Variants in RANBP2 observed in about 807,000 individuals in gnomAD.
RANBP2 encodes the protein RAN binding protein 2.
In RANBP2, 57 loss-of-function variants were observed where a neutral mutation model predicts 303.6. The ratio of observed to expected loss-of-function variants is 0.19; its 90% CI spans 0.15 to 0.23. RANBP2 has a LOEUF of 0.23. Among genes scored for constraint, RANBP2 ranks in the 10% least tolerant of loss-of-function variants. The pLI, the probability that RANBP2 is intolerant of heterozygous loss-of-function variation, is 1.00. For synonymous variants in RANBP2, 1,167 were observed against 1,301.5 expected, an observed-to-expected ratio of 0.90 and a Z score of 2.23; for missense variants, 3,138 against 3,780.8, an observed-to-expected ratio of 0.83 and a Z score of 4.46.
the RANBP2 span, among the ~76,000 whole-genome samples, chr2:109,145,304 A>G: frequency 6.6e-6 from 1 of 151,978 alleles, no homozygotes; most frequent in Non-Finnish European, 1.5e-5. Context: ...TTACAAGCCC[A>G]CTCAGCCCCC....
the RANBP2 span, among the ~76,000 whole-genome samples, chr2:109,418,526 G>A: frequency 6.6e-6 from 1 of 152,208 alleles, no homozygotes; most frequent in African/African-American, 2.4e-5. Context: ...TCCTGTCACT[G>A]CTCCGTCCTC....
the RANBP2 span, chr2:108,876,167 G>T: frequency 6.2e-7 from 1 of 1,612,138 alleles, no homozygotes. Flanking sequence ...CCCAGAGCAT[G>T]CATTTCTCTG....
chr2:109,488,321 G>A, the RANBP2 span, among the ~76,000 whole-genome samples: 1 of 152,162 alleles, frequency 6.6e-6, no homozygotes, highest in Non-Finnish European at 1.5e-5. Context: ...AGTTGTGACA[G>A]CCCAGATGTC....
chr2:109,398,983 CTGGGGTTCTA>C, the RANBP2 span: 3,538 of 1,565,298 alleles, frequency 2.3e-3, 72 homozygotes, highest in African/African-American at 0.043. Flanking sequence ...CCTGGGTTCT[CTGGGGTTCTA>C]TCCTCAGCTC....
the RANBP2 span, among the ~76,000 whole-genome samples, chr2:109,340,225 C>G: frequency 6.6e-6 from 1 of 152,134 alleles, no homozygotes; most frequent in Admixed American, 6.5e-5. Flanking sequence ...GTTACTGGAC[C>G]TCACTGTGCT....
the RANBP2 span, chr2:109,564,319 C>T: frequency 2.1e-6 from 3 of 1,440,630 alleles, no homozygotes; most frequent in Non-Finnish European, 2.8e-6. Flanking sequence ...AATATGCAAT[C>T]CTCTCTAACT....
the RANBP2 span, among the ~76,000 whole-genome samples, chr2:109,012,310 G>A: frequency 2.0e-5 from 3 of 152,154 alleles, no homozygotes; most frequent in Non-Finnish European, 4.4e-5. Flanking sequence ...AGGAAAGGGT[G>A]GGGGGTCTCC....
the RANBP2 span, among the ~76,000 whole-genome samples, chr2:109,480,371 G>A: frequency 6.6e-6 from 1 of 152,184 alleles, no homozygotes; most frequent in Non-Finnish European, 1.5e-5. Flanking sequence ...GAAGACATAA[G>A]GCATTTGTTC....
chr2:109,774,522 T>TATAA, the RANBP2 span, among the ~76,000 whole-genome samples: 19 of 83,298 alleles, frequency 2.3e-4, no homozygotes, highest in African/African-American at 1.3e-3. Flanking sequence ...ATAATATATA[T>TATAA]TATATATATT....
Position 108,782,168 on chromosome 2 carries a change from T to G in RANBP2, c.8801T>G (p.Phe2934Cys), listed in dbSNP as rs769524476. 6.2e-7 allele frequency: 1 copy of G among 1,614,126 alleles called. No homozygotes were observed. The highest frequency in any genetic ancestry group is 8.5e-7 in the Non-Finnish European group (1 of 1,180,012). ...GGAGAAGAAGATGAAGAAATTTTGT[T>G]TAAAGAGAGAGCCAAACTTTATAGA... ...KSGEEDEEIL[F>C]KERAKLYRWD... is the part of the protein sequence containing the mutation. The change falls in exon 27 of 29, where the codon TTT becomes TGT. Residue 2934 changes from phenylalanine to cysteine, a missense_variant. Physicochemically the swap from Phe to Cys is radical, Grantham distance 205. Around this residue, in one of 20 missense-constraint regions of RANBP2, gnomAD observed 68 missense variants for 117.4 expected, o/e 0.58. Transcript: ENST00000283195.
the RANBP2 span, among the ~76,000 whole-genome samples, chr2:109,496,893 G>A: frequency 6.6e-6 from 1 of 152,224 alleles, no homozygotes; most frequent in Non-Finnish European, 1.5e-5. Flanking sequence ...GTCCTTATGA[G>A]TAGAAGAGAG....
At chr2:109,293,943 A>T in the RANBP2 span, among the ~76,000 whole-genome samples, 1 of 152,004 alleles carries the variant, frequency 6.6e-6, no homozygotes, top group African/African-American at 2.4e-5. Flanking sequence ...GCCCTCCTCT[A>T]TGTTCTCCAA....
chr2:109,459,237 CA>C, the RANBP2 span, among the ~76,000 whole-genome samples: 1 of 152,158 alleles, frequency 6.6e-6, no homozygotes, highest in Non-Finnish European at 1.5e-5. Context: ...TTAATATACA[CA>C]TTCACACAGA....
chr2:109,504,882 G>A, the RANBP2 span, among the ~76,000 whole-genome samples: 4 of 152,204 alleles, frequency 2.6e-5, no homozygotes, highest in African/African-American at 7.2e-5. Context: ...GAGCTGGGCA[G>A]TAAGAGCCAA....
At chr2:109,698,484 A>C in the RANBP2 span, among the ~76,000 whole-genome samples, 1 of 151,612 alleles carries the variant, frequency 6.6e-6, no homozygotes. Flanking sequence ...AAAATACATA[A>C]ATAAATAAAT....
the RANBP2 span, among the ~76,000 whole-genome samples, chr2:109,568,297 C>A: frequency 6.6e-6 from 1 of 152,018 alleles, no homozygotes. Context: ...GGCATGCCAA[C>A]CCTGACCCAG....
the RANBP2 span, among the ~76,000 whole-genome samples, chr2:109,578,544 AT>A: frequency 1.4e-3 from 3 of 2,100 alleles, no homozygotes. Context: ...GGAGGGTGGA[AT>A]CACCTGAGGT....
At chr2:109,524,459 A>AC in the RANBP2 span, among the ~76,000 whole-genome samples, 1 of 67,260 alleles carries the variant, frequency 1.5e-5, no homozygotes, top group African/African-American at 4.1e-5. Context: ...AAAAAAAAAA[A>AC]AAAAAAACAA....
the RANBP2 span, among the ~76,000 whole-genome samples, chr2:109,226,140 G>A: frequency 6.6e-6 from 1 of 152,186 alleles, no homozygotes. Flanking sequence ...AGAGGAGGTT[G>A]TCCCCAAATA....
Sources: allele counts gnomAD v4.1 joint callset (sites outside exome capture counted in the v4.1 genomes callset), GRCh38; gene constraint gnomAD v4.1.1; regional missense constraint gnomAD v4.1.1; transcripts MANE v1.5; gene names NCBI Gene and HGNC (gene_info 2026-07-23, HGNC 2026-07-21).